CCDC33: variants seen among roughly 807,000 people sequenced by gnomAD.
CCDC33 encodes the protein coiled-coil domain-containing protein 33.
CCDC33 carries 94 observed loss-of-function variants against 91.9 expected under a neutral mutation model. That is an observed-to-expected ratio of 1.02 (90% CI 0.87 to 1.21). The LOEUF is 1.21. CCDC33 is among the 50% of genes most tolerant of loss of function. The pLI, the probability that CCDC33 is intolerant of heterozygous loss-of-function variation, is 0.00. For synonymous variants in CCDC33, 396 were observed against 374.5 expected (o/e 1.06, Z -0.66); for missense variants, 940 against 935.5 (o/e 1.00, Z -0.06).
chr15:74,241,887 TAGAACA>T (rs1326700577), intron 1 of CCDC33, among the ~76,000 whole-genome samples: 1 of 152,154 alleles, frequency 6.6e-6, no homozygotes, highest in Non-Finnish European at 1.5e-5. Flanking sequence ...CTTGAACAAC[TAGAACA>T]ATGGCATCGC....
chr15:74,230,076 T>C (rs775655589), intron 2 of CCDC33, among the ~76,000 whole-genome samples: 11 of 152,242 alleles, frequency 7.2e-5, no homozygotes, highest in Non-Finnish European at 1.6e-4. Flanking sequence ...GCCTGAAGGC[T>C]GGAGAGACCA....
intron 11 of CCDC33, among the ~76,000 whole-genome samples, chr15:74,313,163 A>G (rs2060023416): frequency 6.6e-6 from 1 of 152,180 alleles, no homozygotes; most frequent in South Asian, 2.1e-4. Flanking sequence ...AGGGTGGTAC[A>G]GGGGCCAAGG....
chr15:74,336,023 G>A lies in CCDC33; in HGVS notation c.2238G>A (p.Gln746=). The A allele has an allele frequency of 6.2e-7, 1 of 1,613,970 alleles. No individual in the cohort carries two copies. Among genetic ancestry groups the A allele is most frequent in the South Asian group, 1.1e-5 (1 of 91,082 alleles). The change falls in exon 19 of 19, where the codon CAG becomes CAA. Residue 746 remains glutamine (Q), a synonymous_variant. Coordinates refer to ENST00000398814, the MANE Select transcript of CCDC33 (RefSeq NM_025055.5). ...DSKLNKPLSP[Q]KETANSQQT ...AGCTCAACAAGCCCTTGAGCCCCCA[G>A]AAGGAGACCGCTAACTCTCAGCAGA...
At chr15:74,205,360 G>A (rs1488695016) in intron 1 of CCDC33, among the ~76,000 whole-genome samples, 2 of 152,194 alleles carry the variant, frequency 1.3e-5, no homozygotes, top group Non-Finnish European at 2.9e-5. Context: ...CTTCTGGGGA[G>A]GGCCTCAGGA....
upstream of CCDC33, among the ~76,000 whole-genome samples, chr15:74,233,335 C>T (rs2075044239): frequency 1.3e-5 from 2 of 152,256 alleles, no homozygotes; most frequent in African/African-American, 4.8e-5. Flanking sequence ...TATGCTCCCA[C>T]TGCCACGCAC....
intron 11 of CCDC33, chr15:74,300,707 G>C (rs79667769): frequency 6.6e-6 from 1 of 152,156 alleles, no homozygotes; most frequent in African/African-American, 2.4e-5. Flanking sequence ...AGAGAAAAGC[G>C]CTCTGGGAAT....
In CCDC33 at chr15:74,240,396, A is replaced by G. The variant is rs775310499; in HGVS notation, c.22-3589A>G. 1.7e-4 allele frequency among the ~76,000 whole-genome samples: 26 copies of G among 152,190 alleles called. 1 individual carries two copies. Among genetic ancestry groups the G allele is most frequent in the Non-Finnish European group, 3.1e-4 (21 of 68,024 alleles). ...CTTTCATGGCCCTAGGGAGCTCATG[A>G]GAGGCCCTGTGCCCTCACAGCAAGG... On this transcript the variant is annotated intron_variant, in intron 1 of 18. Transcript: ENST00000398814.
intron 11 of CCDC33, among the ~76,000 whole-genome samples, chr15:74,326,257 C>T (rs1037331570): frequency 1.3e-5 from 2 of 152,168 alleles, no homozygotes; most frequent in Non-Finnish European, 2.9e-5. Context: ...CCCAGAAGTT[C>T]GAGGTTGCAG....
rs1413132789 is a variant in CCDC33, at chr15:74,218,928, A to G, written c.675+67A>G. 4.2e-6 allele frequency: 5 copies of G among 1,189,456 alleles called. No individual in the cohort carries two copies. Among genetic ancestry groups the G allele is most frequent in the Non-Finnish European group, 5.3e-6 (5 of 940,478 alleles). 73.7% of individuals were successfully genotyped at this position (1,189,456 alleles called of 1,614,324 possible). ...GGGTACAAGACCCAGCCTCCGTGAT[A>G]AGCCAGGCTACCCCCTGTCCTGAGC... On this transcript the variant is annotated intron_variant, in intron 2 of 2. Coordinates refer to the CCDC33 transcript ENST00000635913. The surrounding 1 kb of genome is among the most constrained non-coding windows in gnomAD (Gnocchi z 4.8).
At chr15:74,303,933 A>G (rs1249902716) in intron 11 of CCDC33, 2 of 152,164 alleles carry the variant, frequency 1.3e-5, no homozygotes, top group Non-Finnish European at 2.9e-5. Context: ...ATTCCTAAAC[A>G]CAATCACACA....
intron 11 of CCDC33, among the ~76,000 whole-genome samples, chr15:74,327,796 C>G (rs544168120): frequency 2.0e-5 from 3 of 152,214 alleles, no homozygotes; most frequent in Admixed American, 6.5e-5. Context: ...AGGACTCACT[C>G]CATGAGCATG....
At chr15:74,265,169 A>G (rs1566980847) in intron 3 of CCDC33, among the ~76,000 whole-genome samples, 1 of 152,164 alleles carries the variant, frequency 6.6e-6, no homozygotes, top group African/African-American at 2.4e-5. Flanking sequence ...TGACCCATCC[A>G]GTTCCAAATG....
At chr15:74,243,616 G>A in intron 1 of CCDC33, 1 of 456,462 alleles carries the variant, frequency 2.2e-6, no homozygotes, top group Non-Finnish European at 4.4e-6. Context: ...GAAGCTGTGA[G>A]TGGCTAGTGC....
intron 1 of CCDC33, among the ~76,000 whole-genome samples, chr15:74,237,177 G>T (rs2075191322): frequency 6.6e-6 from 1 of 152,246 alleles, no homozygotes; most frequent in Non-Finnish European, 1.5e-5. Context: ...CCCCTGTCCT[G>T]GAACACAGAT....
Position 74,279,963 on chromosome 15 carries a change from C to T in CCDC33, c.760C>T (p.Leu254=). The change falls in exon 8 of 19, where the codon CTG becomes TTG. Residue 254 remains leucine, a splice_region_variant and synonymous_variant. Transcript: ENST00000398814. Reference sequence around the variant, plus strand: ...ACCTGCTCCTACCCTCTCCCTCCAGCTGTCCAAGCCTGGGGGACCCCCAGA... The same window carrying T: ...ACCTGCTCCTACCCTCTCCCTCCAGTTGTCCAAGCCTGGGGGACCCCCAGA... The part of the protein sequence containing the change: ...PRVSQNGCPQ[L]SKPGGPPEQP... The T allele has an allele frequency of 6.2e-7, 1 of 1,613,772 alleles. No individual in the cohort carries two copies. The highest frequency in any genetic ancestry group is 8.5e-7 in the Non-Finnish European group (1 of 1,179,790).
intron 2 of CCDC33, among the ~76,000 whole-genome samples, chr15:74,223,196 C>G (rs1425194909): frequency 6.6e-6 from 1 of 152,132 alleles, no homozygotes; most frequent in Non-Finnish European, 1.5e-5. Context: ...TCTTCTGAAG[C>G]CTCCCCTTCT....
At chr15:74,222,806 C>T (rs1216405477) in intron 2 of CCDC33, among the ~76,000 whole-genome samples, 3 of 149,860 alleles carry the variant, frequency 2.0e-5, no homozygotes, top group East Asian at 2.0e-4. Flanking sequence ...CCCCGACCCC[C>T]GCCGCCTGCA....
chr15:74,236,967 G>A (rs897730036), intron 1 of CCDC33, among the ~76,000 whole-genome samples: 3 of 152,214 alleles, frequency 2.0e-5, no homozygotes, highest in South Asian at 4.1e-4. Context: ...ACTTGCAGGT[G>A]TTGTCAATGC....
intron 15 of CCDC33, 35 bp downstream of exon 15, chr15:74,331,331 C>A (rs1302121256): frequency 1.2e-6 from 2 of 1,604,586 alleles, no homozygotes; most frequent in Admixed American, 3.4e-5. Context: ...AGCTCCCCAG[C>A]TTCTGCTCCA....
Sources: gnomAD v4.1 joint callset for allele counts (sites outside exome capture counted in the v4.1 genomes callset) on GRCh38, gnomAD v4.1.1 for gene constraint, Gnocchi (gnomAD v3.1) non-coding constraint, MANE v1.5 for transcripts, NCBI Gene and HGNC (gene_info 2026-07-23, HGNC 2026-07-21) for gene names.